The following NCALD variants were observed in gnomAD, a reference collection of about 807,000 sequenced individuals.
NCALD encodes the protein neurocalcin delta.
NCALD carries 10 observed loss-of-function variants against 18.6 expected under a neutral mutation model. The ratio of observed to expected loss-of-function variants is 0.54; its 90% CI spans 0.33 to 0.91. The LOEUF is 0.91. Among genes scored for constraint, NCALD ranks in the 40% least tolerant of loss-of-function variants. NCALD has a pLI of 0.03. For missense variants in NCALD, 184 were observed against 247.6 expected, an observed-to-expected ratio of 0.74 and a Z score of 1.72; for synonymous variants, 88 against 87.4, an observed-to-expected ratio of 1.01 and a Z score of -0.04.
chr8:102,027,936 A>T (rs1474734029), intron 1 of NCALD, among the ~76,000 whole-genome samples: 1 of 152,200 alleles, frequency 6.6e-6, no homozygotes, highest in African/African-American at 2.4e-5. Flanking sequence ...GACCAGCAGC[A>T]TGGGGGTAAT....
rs549259932 is a variant in NCALD at position 101,873,891 on chromosome 8, G to A, written c.-20+13250C>T. Among the ~76,000 whole-genome samples the A allele has an allele frequency of 8.5e-5, 13 of 152,270 alleles. No homozygotes were observed. The South Asian group carries it at 2.7e-3, about 32-fold the overall frequency. On this transcript the variant is annotated intron_variant, in intron 4 of 6. Coordinates refer to the NCALD transcript ENST00000311028. Reference sequence around the variant, plus strand: ...CAACTTCATATTATGCTACAACCAAGGATAGCATTGCCATTAAATTTACAA... The same window carrying A: ...CAACTTCATATTATGCTACAACCAAAGATAGCATTGCCATTAAATTTACAA...
At chr8:101,728,571 A>G (rs1170750407) in intron 1 of NCALD, among the ~76,000 whole-genome samples, 1 of 152,212 alleles carries the variant, frequency 6.6e-6, no homozygotes, top group Admixed American at 6.5e-5. Context: ...CTGTAATCCC[A>G]GCACTTTGGG....
intron 2 of NCALD, among the ~76,000 whole-genome samples, chr8:101,715,862 T>G (rs1377959981): frequency 1.3e-5 from 2 of 152,204 alleles, no homozygotes. Flanking sequence ...CCTTTTACAC[T>G]GTTGGTGGGA....
chr8:101,945,710 C>T (rs1029524518), intron 2 of NCALD, among the ~76,000 whole-genome samples: 1 of 152,202 alleles, frequency 6.6e-6, no homozygotes, highest in African/African-American at 2.4e-5. Flanking sequence ...AGATGTGTCA[C>T]GTGGAAGACA....
At chr8:101,955,254 A>T (rs1456101196) in intron 2 of NCALD, among the ~76,000 whole-genome samples, 2 of 152,196 alleles carry the variant, frequency 1.3e-5, no homozygotes, top group African/African-American at 2.4e-5. Context: ...AGAAGGGGGG[A>T]GGACGTTGGC....
At chr8:102,001,415 G>C (rs1321812467) in intron 2 of NCALD, among the ~76,000 whole-genome samples, 2 of 152,246 alleles carry the variant, frequency 1.3e-5, no homozygotes, top group Non-Finnish European at 2.9e-5. Context: ...GTACCTGAAA[G>C]TGATGGGGAG....
At chr8:101,850,080 C>T (rs1815029605) in intron 4 of NCALD, among the ~76,000 whole-genome samples, 1 of 152,174 alleles carries the variant, frequency 6.6e-6, no homozygotes, top group Non-Finnish European at 1.5e-5. Flanking sequence ...CTAGCTCTGC[C>T]GGGTGTTATC....
At chr8:101,743,775 T>C (rs1225763406) in intron 1 of NCALD, among the ~76,000 whole-genome samples, 1 of 152,300 alleles carries the variant, frequency 6.6e-6, no homozygotes, top group African/African-American at 2.4e-5. Context: ...AAAAATGTCC[T>C]GAGGATGAGG....
At chr8:101,947,725 G>A (rs537019938) in intron 2 of NCALD, among the ~76,000 whole-genome samples, 2 of 152,028 alleles carry the variant, frequency 1.3e-5, no homozygotes, top group African/African-American at 4.8e-5. Flanking sequence ...AAGCCCTCTT[G>A]TATAAGGCAC....
chr8:102,023,173 ACC>A (rs898311166), intron 1 of NCALD, among the ~76,000 whole-genome samples: 33 of 152,342 alleles, frequency 2.2e-4, no homozygotes, highest in African/African-American at 7.5e-4. Context: ...AGTGACGCTG[ACC>A]ACAGTTTCTA....
At chr8:101,940,372 A>T (rs549634783) in intron 2 of NCALD, among the ~76,000 whole-genome samples, 1 of 152,240 alleles carries the variant, frequency 6.6e-6, no homozygotes. Context: ...GTGGACATAT[A>T]TAACAATCAG....
At chr8:102,099,887 A>G (rs542133495) in intron 1 of NCALD, among the ~76,000 whole-genome samples, 7 of 151,874 alleles carry the variant, frequency 4.6e-5, no homozygotes, top group African/African-American at 1.7e-4. Context: ...CAGGAGAATC[A>G]CTTGAACCCG....
At chr8:101,872,322 C>A (rs1816053811) in intron 4 of NCALD, 1 of 1,424,724 alleles carries the variant, frequency 7.0e-7, no homozygotes, top group Non-Finnish European at 9.9e-7. Context: ...CGAGTCTCTG[C>A]CATCTGTACA....
At chr8:101,735,170 A>C (rs1262226193) in intron 1 of NCALD, among the ~76,000 whole-genome samples, 1 of 152,200 alleles carries the variant, frequency 6.6e-6, no homozygotes, top group Non-Finnish European at 1.5e-5. Context: ...GGAAAACATA[A>C]ATCAGGTAAT....
intron 4 of NCALD, among the ~76,000 whole-genome samples, chr8:101,848,874 G>A (rs2131322291): frequency 6.6e-6 from 1 of 152,178 alleles, no homozygotes; most frequent in Non-Finnish European, 1.5e-5. Context: ...ATACCCAAAG[G>A]AATATAAATA....
chr8:102,078,130 C>T (rs1824407381), intron 1 of NCALD, among the ~76,000 whole-genome samples: 1 of 152,152 alleles, frequency 6.6e-6, no homozygotes, highest in Non-Finnish European at 1.5e-5. Context: ...CTACAAATGG[C>T]CACCCCATGC....
chr8:101,888,689 T>C (rs1816763695), intron 3 of NCALD, among the ~76,000 whole-genome samples: 1 of 152,092 alleles, frequency 6.6e-6, no homozygotes, highest in Non-Finnish European at 1.5e-5. Flanking sequence ...AGTGCTGAGA[T>C]AACAGGCACA....
chr8:101,991,563 T>TC (rs759704950), intron 2 of NCALD, among the ~76,000 whole-genome samples: 7 of 152,094 alleles, frequency 4.6e-5, no homozygotes, highest in Non-Finnish European at 7.4e-5. Flanking sequence ...GTCTGAGTTC[T>TC]CCTCCCAGGC....
At chr8:102,019,274 T>C (rs560876326) in intron 2 of NCALD, among the ~76,000 whole-genome samples, 1 of 152,220 alleles carries the variant, frequency 6.6e-6, no homozygotes, top group South Asian at 2.1e-4. Context: ...CACCTTGTTT[T>C]GGAAAATATG....
Sources: gnomAD v4.1 joint callset for allele counts (sites outside exome capture counted in the v4.1 genomes callset) on GRCh38, gnomAD v4.1.1 for gene constraint, MANE v1.5 for transcripts, NCBI Gene and HGNC (gene_info 2026-07-23, HGNC 2026-07-21) for gene names.